Variants in PRICKLE1 observed in about 807,000 individuals in gnomAD.
PRICKLE1 encodes the protein prickle planar cell polarity protein 1.
Under a neutral mutation model 70.2 loss-of-function variants are expected in PRICKLE1, and 14 were observed. That is an observed-to-expected ratio of 0.20 (90% CI 0.13 to 0.31). The LOEUF is 0.31. Ranked by LOEUF, PRICKLE1 falls within the 10% of genes least tolerant of loss-of-function variation. The pLI, the probability that PRICKLE1 is intolerant of heterozygous loss-of-function variation, is 1.00. For missense variants in PRICKLE1, 821 were observed against 1,026.2 expected (o/e 0.80, Z 2.73); for synonymous variants, 357 against 379.9 (o/e 0.94, Z 0.70).
At chr12:42,507,502 C>T (rs1222158635) in intron 1 of PRICKLE1, among the ~76,000 whole-genome samples, 1 of 152,232 alleles carries the variant, frequency 6.6e-6, no homozygotes, top group African/African-American at 2.4e-5. Flanking sequence ...ATCTCTTGCT[C>T]CTCTCTGTTG....
chr12:42,514,004 A>G (rs1487144743), intron 1 of PRICKLE1, among the ~76,000 whole-genome samples: 1 of 152,158 alleles, frequency 6.6e-6, no homozygotes. Context: ...CCTCCAAAAA[A>G]CAACAACAAA....
At position 42,470,336 on chromosome 12, in the gene PRICKLE1, T is replaced by C. The variant is rs771014475; in HGVS notation, c.156A>G (p.Leu52=). Residue 52 remains leucine (L), a synonymous_variant, in exon 3 of 8, where the codon TTA becomes TTG. Coordinates refer to ENST00000345127, the MANE Select transcript of PRICKLE1 (RefSeq NM_153026.3). ...PEQIQLYFAC[L]PEEKVPYVNS... ...TAACGTAAGGAACTTTTTCCTCTGG[T>C]AAGCAAGCAAAATAGAGCTGGATCT... 36 of 1,613,476 alleles carry C rather than the reference T, an allele frequency of 2.2e-5. No individual in the cohort carries two copies. The highest frequency in any genetic ancestry group is 3.1e-5 in the Non-Finnish European group (36 of 1,179,466).
At chr12:42,494,058 G>C (rs146511874) in intron 1 of PRICKLE1, among the ~76,000 whole-genome samples, 46 of 152,234 alleles carry the variant, frequency 3.0e-4, no homozygotes, top group African/African-American at 9.4e-4. Flanking sequence ...GTGTGCAACA[G>C]CACAATGTCT....
intron 1 of PRICKLE1, among the ~76,000 whole-genome samples, chr12:42,530,678 T>C (rs1592005790): frequency 8.5e-6 from 1 of 117,380 alleles, no homozygotes; most frequent in Admixed American, 1.1e-4. Context: ...TTTTATCAAA[T>C]AATTTTTTTT....
At chr12:42,505,420 G>T (rs1939391330) in intron 1 of PRICKLE1, among the ~76,000 whole-genome samples, 1 of 152,080 alleles carries the variant, frequency 6.6e-6, no homozygotes, top group African/African-American at 2.4e-5. Context: ...TGGGAATTAG[G>T]TTGCCTTTGT....
intron 1 of PRICKLE1, among the ~76,000 whole-genome samples, chr12:42,527,935 A>C (rs1275339129): frequency 0.021 from 335 of 15,898 alleles, 28 homozygotes; most frequent in African/African-American, 0.056. Context: ...ATATATATAT[A>C]TATATATATA....
intron 1 of PRICKLE1, among the ~76,000 whole-genome samples, chr12:42,478,726 CTT>C (rs11300615): frequency 3.0e-4 from 41 of 136,546 alleles, no homozygotes; most frequent in Non-Finnish European, 3.1e-4. Context: ...CTGGGATACT[CTT>C]TTTTTTTTTT....
In PRICKLE1 at chr12:42,459,658, A is replaced by T; in HGVS notation, c.*151T>A. The stretch of plus-strand genomic sequence containing the variant: ...GGAGAAATCACACCTTTCAAATGTT[A>T]ATCTGACACTGTAAACAGCAGTTGA... On this transcript the variant is annotated 3_prime_UTR_variant, in exon 8 of 8. Transcript: ENST00000345127. 1 of 907,610 alleles carries T rather than the reference A, an allele frequency of 1.1e-6. No individual in the cohort carries two copies. Among genetic ancestry groups the T allele is most frequent in the African/African-American group, 1.7e-5 (1 of 60,330 alleles). 56.2% of individuals were successfully genotyped at this position (907,610 alleles called of 1,614,324 possible). A position where few individuals can be genotyped will look rare whatever the true frequency, so the allele number is the denominator to read the frequency against.
intron 1 of PRICKLE1, among the ~76,000 whole-genome samples, chr12:42,553,454 A>C (rs2120665071): frequency 7.1e-6 from 1 of 141,604 alleles, no homozygotes; most frequent in African/African-American, 2.6e-5. Flanking sequence ...AAAAAAAAAA[A>C]AACTGTTTTT....
At position 42,464,693 on chromosome 12, in the gene PRICKLE1, G is replaced by A. The variant is rs759563559; in HGVS notation, c.1341C>T (p.Asn447=). 1.2e-6 allele frequency: 2 copies of A among 1,613,944 alleles called. No individual in the cohort carries two copies. The highest frequency in any genetic ancestry group is 1.7e-6 in the Non-Finnish European group (2 of 1,180,032). Residue 447 remains asparagine, a synonymous_variant, in exon 7 of 8, where the codon AAC becomes AAT. Coordinates refer to ENST00000345127, the MANE Select transcript of PRICKLE1 (RefSeq NM_153026.3). The surrounding 1 kb of genome is among the most constrained non-coding windows in gnomAD (Gnocchi z 4.2). The stretch of plus-strand genomic sequence containing the variant: ...TTAACTCGGTCTTACTTTTAACCAT[G>A]TTATCAGATATCCAGTGCTCACTGG... The part of the protein sequence containing the change: ...IRASEHWISD[N]MVKSKTELKQ...
chr12:42,527,236 G>A (rs545344930), intron 1 of PRICKLE1, among the ~76,000 whole-genome samples: 55 of 144,398 alleles, frequency 3.8e-4, no homozygotes, highest in Non-Finnish European at 6.6e-4. Context: ...AGGTTCAAGT[G>A]ATTCTCCTGT....
chr12:42,587,753 T>C (rs1941006762), intron 1 of PRICKLE1, among the ~76,000 whole-genome samples: 1 of 152,218 alleles, frequency 6.6e-6, no homozygotes, highest in South Asian at 2.1e-4. Flanking sequence ...TGAACCAGGC[T>C]CCACCAGACA....
At chr12:42,574,290 C>A (rs1301422674) in intron 1 of PRICKLE1, among the ~76,000 whole-genome samples, 1 of 152,180 alleles carries the variant, frequency 6.6e-6, no homozygotes, top group Non-Finnish European at 1.5e-5. Context: ...CACCTCCCAA[C>A]AAAAGCAATC....
intron 1 of PRICKLE1, among the ~76,000 whole-genome samples, chr12:42,581,391 C>T (rs1940896504): frequency 6.6e-6 from 1 of 151,880 alleles, no homozygotes. Context: ...CCACTACTGT[C>T]TATTTTGGGG....
chr12:42,470,191 C>G, intron 3 of PRICKLE1, 55 bp downstream of exon 3: 3 of 1,253,972 alleles, frequency 2.4e-6, no homozygotes, highest in Non-Finnish European at 2.3e-6. Flanking sequence ...CATCTCAATG[C>G]TTCTCATGCA....
chr12:42,480,492 CTGGTGAAATAAGATAGCATACAG>C (rs1467318247), intron 1 of PRICKLE1, among the ~76,000 whole-genome samples: 2 of 152,208 alleles, frequency 1.3e-5, no homozygotes, highest in Non-Finnish European at 2.9e-5. Context: ...ACAGTAACCA[CTGGTGAAATAAGATAGCATACAG>C]TGTGAGAAGG....
intron 1 of PRICKLE1, among the ~76,000 whole-genome samples, chr12:42,587,905 A>G (rs926000502): frequency 1.3e-5 from 2 of 152,260 alleles, no homozygotes. Context: ...GTTGATGCTC[A>G]ATTCAAAATG....
At chr12:42,543,445 G>A (rs1037776972) in intron 1 of PRICKLE1, among the ~76,000 whole-genome samples, 1 of 150,724 alleles carries the variant, frequency 6.6e-6, no homozygotes, top group African/African-American at 2.4e-5. Flanking sequence ...TGATCCTCCT[G>A]CCTCATTCTC....
intron 1 of PRICKLE1, among the ~76,000 whole-genome samples, chr12:42,570,154 A>G (rs143385999): frequency 6.6e-6 from 1 of 152,382 alleles, no homozygotes; most frequent in African/African-American, 2.4e-5. Context: ...TCAATTAGAT[A>G]TAGCTCCCTT....
Sources: allele counts gnomAD v4.1 joint callset (sites outside exome capture counted in the v4.1 genomes callset), GRCh38; gene constraint gnomAD v4.1.1; non-coding constraint Gnocchi (gnomAD v3.1); transcripts MANE v1.5; gene names NCBI Gene and HGNC (gene_info 2026-07-23, HGNC 2026-07-21).